The following NAALADL2 variants were observed in gnomAD, a reference collection of about 807,000 sequenced individuals.
The protein encoded by NAALADL2 is inactive N-acetylated-alpha-linked acidic dipeptidase-like protein 2.
NAALADL2 carries 76 observed loss-of-function variants against 87.2 expected under a neutral mutation model. The ratio of observed to expected loss-of-function variants is 0.87; its 90% CI spans 0.72 to 1.05. NAALADL2 has a LOEUF of 1.05. Ranked by LOEUF, NAALADL2 falls within the 50% of genes least tolerant of loss-of-function variation. NAALADL2 has a pLI of 0.00. For missense variants in NAALADL2, 1,089 were observed against 945.8 expected (o/e 1.15, Z -1.99); for synonymous variants, 354 against 331.0 (o/e 1.07, Z -0.75).
intron 2 of NAALADL2, among the ~76,000 whole-genome samples, chr3:174,563,440 T>C (rs1713870297): frequency 6.6e-6 from 1 of 151,750 alleles, no homozygotes; most frequent in Non-Finnish European, 1.5e-5. Flanking sequence ...ACTCAAATCA[T>C]ACTCTTAAAA....
At chr3:174,738,889 A>G (rs1457395426) in intron 3 of NAALADL2, among the ~76,000 whole-genome samples, 2 of 152,182 alleles carry the variant, frequency 1.3e-5, no homozygotes, top group Admixed American at 6.5e-5. Context: ...GCAATATTAC[A>G]TGATGCATCA....
At chr3:175,474,104 G>T (rs1484973192) in intron 9 of NAALADL2, among the ~76,000 whole-genome samples, 1 of 152,020 alleles carries the variant, frequency 6.6e-6, no homozygotes, top group Non-Finnish European at 1.5e-5. Flanking sequence ...TTGTGGCTGG[G>T]GTAAGGTGGT....
At chr3:174,980,470 C>T (rs952492100) in intron 1 of NAALADL2, among the ~76,000 whole-genome samples, 2 of 152,134 alleles carry the variant, frequency 1.3e-5, no homozygotes, top group Non-Finnish European at 2.9e-5. Context: ...TGTGAATACC[C>T]ATTGCACTGC....
chr3:175,104,341 G>A (rs1722735745), intron 2 of NAALADL2, among the ~76,000 whole-genome samples: 2 of 152,192 alleles, frequency 1.3e-5, no homozygotes, highest in South Asian at 4.1e-4. Context: ...GCACTAGAAA[G>A]GCTAATATGA....
chr3:175,297,381 T>C (rs765412599), intron 4 of NAALADL2, among the ~76,000 whole-genome samples: 20 of 152,170 alleles, frequency 1.3e-4, no homozygotes, highest in Non-Finnish European at 2.5e-4. Context: ...CCATGAGTGT[T>C]GTAACCTCAA....
chr3:174,708,800 T>A (rs931274842), intron 2 of NAALADL2, among the ~76,000 whole-genome samples: 1 of 152,146 alleles, frequency 6.6e-6, no homozygotes, highest in Non-Finnish European at 1.5e-5. Flanking sequence ...GAGTTAAAAT[T>A]TGAACTTTAA....
At chr3:174,618,039 T>C (rs566133000) in intron 2 of NAALADL2, among the ~76,000 whole-genome samples, 1 of 151,838 alleles carries the variant, frequency 6.6e-6, no homozygotes, top group African/African-American at 2.4e-5. Flanking sequence ...GAAGAAGAAA[T>C]TCTTGACAGC....
chr3:175,105,642 G>GACAC (rs57274941), intron 2 of NAALADL2, among the ~76,000 whole-genome samples: 186 of 144,624 alleles, frequency 1.3e-3, no homozygotes, highest in African/African-American at 2.7e-3. Flanking sequence ...AATACACACA[G>GACAC]ACACACACAC....
At chr3:175,229,290 T>C (rs74615432) in intron 2 of NAALADL2, among the ~76,000 whole-genome samples, 2,800 of 152,048 alleles carry the variant, frequency 0.018, 83 homozygotes, top group African/African-American at 0.064. Flanking sequence ...GATATAATTG[T>C]TTTACATAGA....
chr3:175,753,837 G>A (rs1164836527), intron 12 of NAALADL2, among the ~76,000 whole-genome samples: 1 of 152,176 alleles, frequency 6.6e-6, no homozygotes, highest in East Asian at 1.9e-4. Context: ...GGCCTCAGGA[G>A]GCCTCCATTC....
rs752360264 is a variant in NAALADL2, at chr3:174,752,266, G to A, written c.-9+14520G>A. Among the ~76,000 whole-genome samples the A allele has an allele frequency of 4.6e-5, 7 of 152,168 alleles. No individual in the cohort carries two copies. The East Asian group carries it at 1.4e-3, about 29-fold the overall frequency. The stretch of plus-strand genomic sequence containing the variant: ...GCTGGGATTACAGGTGTGAGCCACC[G>A]CGCCCGGCCCAGATCTTTAAAGGTT... On this transcript the variant is annotated intron_variant, in intron 3 of 3. Transcript: ENST00000434257.
rs1173739556 is a variant in NAALADL2 at position 175,125,468 on chromosome 3, T to C, written c.545+28177T>C. 4.4e-4 allele frequency among the ~76,000 whole-genome samples: 67 copies of C among 152,036 alleles called. 1 individual carries two copies. The highest frequency in any genetic ancestry group is 2.1e-4 in the Non-Finnish European group (14 of 67,964). ...CCAGATGGTAGATGATGGTGGCTTG[T>C]ACCAGGATGGTATAAATAGGGGTGG... On this transcript the variant is annotated intron_variant, in intron 2 of 13. Coordinates refer to ENST00000454872, the MANE Select transcript of NAALADL2 (RefSeq NM_207015.3).
intron 6 of NAALADL2, among the ~76,000 whole-genome samples, chr3:175,459,634 A>G (rs1722815054): frequency 6.6e-6 from 1 of 152,174 alleles, no homozygotes; most frequent in African/African-American, 2.4e-5. Flanking sequence ...AAAAGTTTCT[A>G]CAGTGAAAAA....
intron 11 of NAALADL2, among the ~76,000 whole-genome samples, chr3:175,689,643 G>A (rs979281397): frequency 1.2e-4 from 19 of 152,238 alleles, no homozygotes; most frequent in South Asian, 2.1e-4. Flanking sequence ...TGCATCTTAC[G>A]TAATGTAATT....
chr3:175,789,574 T>G (rs1331961930), intron 13 of NAALADL2, among the ~76,000 whole-genome samples: 1 of 152,192 alleles, frequency 6.6e-6, no homozygotes, highest in Non-Finnish European at 1.5e-5. Context: ...TTAGCATGCC[T>G]GCCAGAACAT....
chr3:175,041,259 T>C (rs1374894858), intron 1 of NAALADL2, among the ~76,000 whole-genome samples: 1 of 152,158 alleles, frequency 6.6e-6, no homozygotes, highest in Non-Finnish European at 1.5e-5. Flanking sequence ...TAATTAATAC[T>C]TTTCCATTTC....
At chr3:175,179,175 T>G (rs1736110491) in intron 2 of NAALADL2, among the ~76,000 whole-genome samples, 1 of 152,086 alleles carries the variant, frequency 6.6e-6, no homozygotes, top group African/African-American at 2.4e-5. Context: ...CATTGATAAA[T>G]CTTCCCAGTT....
At chr3:175,249,357 A>C (rs1378631769) in intron 3 of NAALADL2, among the ~76,000 whole-genome samples, 1 of 152,160 alleles carries the variant, frequency 6.6e-6, no homozygotes, top group Non-Finnish European at 1.5e-5. Flanking sequence ...TAGAGAAATT[A>C]ATGTGAAATA....
In NAALADL2 at chr3:175,192,434, TAGA is replaced by T. The variant is rs144089337; in HGVS notation, c.546-41494_546-41492del. ...AAATCCGTTTGTCGTATTAGTTTCA[TAGA>T]AGGTCAGTTTTTACCTTTTCACATT... On this transcript the variant is annotated intron_variant, in intron 2 of 13. Coordinates refer to ENST00000454872, the MANE Select transcript of NAALADL2 (RefSeq NM_207015.3). 2.2e-4 allele frequency among the ~76,000 whole-genome samples: 34 copies of T among 152,202 alleles called. No individual in the cohort carries two copies. The East Asian group carries it at 3.7e-3, about 16-fold the overall frequency.
Sources: allele counts gnomAD v4.1 joint callset (sites outside exome capture counted in the v4.1 genomes callset), GRCh38; gene constraint gnomAD v4.1.1; transcripts MANE v1.5; gene names NCBI Gene and HGNC (gene_info 2026-07-23, HGNC 2026-07-21).